CRLS1: variants seen among roughly 807,000 people sequenced by gnomAD.
CRLS1 encodes the protein cardiolipin synthase (CMP-forming).
CRLS1 carries 24 observed loss-of-function variants against 37.0 expected under a neutral mutation model. That is an observed-to-expected ratio of 0.65 (90% CI 0.47 to 0.91). The LOEUF is 0.91. Ranked by LOEUF, CRLS1 falls within the 40% of genes least tolerant of loss-of-function variation. The probability of loss-of-function intolerance (pLI) is 0.00; values close to 1 mark genes in which losing one functional copy is unlikely to be tolerated. For missense variants in CRLS1, 373 were observed against 395.8 expected (o/e 0.94, Z 0.49); for synonymous variants, 135 against 159.7 (o/e 0.85, Z 1.17).
intron 6 of CRLS1, among the ~76,000 whole-genome samples, chr20:6,035,835 C>T (rs143979821): frequency 0.031 from 4,674 of 151,420 alleles, 174 homozygotes; most frequent in African/African-American, 0.093. Context: ...GACAGAGTCT[C>T]GCTCTGTTGC....
intron 6 of CRLS1, among the ~76,000 whole-genome samples, chr20:6,035,596 T>C (rs971651918): frequency 1.1e-3 from 174 of 152,176 alleles, no homozygotes; most frequent in African/African-American, 4.1e-3. Context: ...TCCAATGTAG[T>C]TTTCAGAAAT....
intron 6 of CRLS1, among the ~76,000 whole-genome samples, 158 bp downstream of exon 6, chr20:6,034,713 CAAGTATGAGATGGAGAAGTTAGCT>C (rs1385446992): frequency 6.6e-6 from 1 of 152,116 alleles, no homozygotes; most frequent in East Asian, 1.9e-4. Context: ...CGCTTCCTGC[CAAGTATGAGATGGAGAAGTTAGCT>C]TTCATACAAA....
intron 1 of CRLS1, chr20:6,007,406 C>T (rs1243164943): frequency 6.2e-7 from 1 of 1,613,448 alleles, no homozygotes. Flanking sequence ...TCGAGTATGC[C>T]ACAGGTTATC....
intron 6 of CRLS1, among the ~76,000 whole-genome samples, chr20:6,035,408 T>C (rs1980468880): frequency 6.6e-6 from 1 of 152,210 alleles, no homozygotes. Context: ...TTTAAGGTGA[T>C]GCAAGAACTT....
intron 3 of CRLS1, among the ~76,000 whole-genome samples, chr20:6,022,956 T>C (rs1250170788): frequency 5.3e-5 from 8 of 152,210 alleles, no homozygotes; most frequent in African/African-American, 1.2e-4. Flanking sequence ...TTTTATCTTT[T>C]TGAGCTCCAT....
At chr20:6,017,409 C>G (rs1439838906) in intron 3 of CRLS1, among the ~76,000 whole-genome samples, 1 of 152,170 alleles carries the variant, frequency 6.6e-6, no homozygotes. Flanking sequence ...AAAGTTATCT[C>G]TCTTAATTCA....
intron 1 of CRLS1, among the ~76,000 whole-genome samples, chr20:6,009,106 C>T (rs150617173): frequency 0.045 from 6,858 of 152,196 alleles, 509 homozygotes; most frequent in African/African-American, 0.15. Context: ...AGGTGGATCA[C>T]GAGGTCAGGA....
intron 1 of CRLS1, chr20:6,007,278 C>G: frequency 6.4e-7 from 1 of 1,556,186 alleles, no homozygotes. Flanking sequence ...TTGAGGTGGC[C>G]AGATCCTGGC....
At chr20:6,021,065 CTTT>C (rs148717152) in intron 3 of CRLS1, among the ~76,000 whole-genome samples, 96 of 114,312 alleles carry the variant, frequency 8.4e-4, no homozygotes, top group Middle Eastern at 5.2e-3. Context: ...TGTTTTGTAT[CTTT>C]TTTTTTTTTT....
At chr20:6,006,589 G>T (rs2122891583) in intron 1 of CRLS1, 37 bp downstream of exon 1, 1 of 1,250,220 alleles carries the variant, frequency 8.0e-7, no homozygotes, top group African/African-American at 1.6e-5. Context: ...CCGGCCCTGG[G>T]CTGGGGTCGC....
chr20:6,021,210 G>T (rs1979260484), intron 3 of CRLS1, among the ~76,000 whole-genome samples: 1 of 151,946 alleles, frequency 6.6e-6, no homozygotes, highest in African/African-American at 2.4e-5. Context: ...GGAATTACAG[G>T]TGCGTGCCAC....
intron 5 of CRLS1, among the ~76,000 whole-genome samples, chr20:6,033,325 G>A (rs1428850586): frequency 7.9e-5 from 9 of 114,306 alleles, no homozygotes; most frequent in East Asian, 2.3e-4. Context: ...TAGTAGAGAC[G>A]GGGTTTCACC....
chr20:6,005,996 C>G (rs553199363), upstream of CRLS1: 73 of 328,800 alleles, frequency 2.2e-4, 1 homozygote, highest in African/African-American at 1.5e-3. Flanking sequence ...CTGATGCGCG[C>G]GCCTCCGCTG....
At chr20:6,023,084 T>C (rs1312416980) in intron 3 of CRLS1, among the ~76,000 whole-genome samples, 4 of 152,212 alleles carry the variant, frequency 2.6e-5, no homozygotes, top group African/African-American at 9.6e-5. Context: ...TATTTTATTC[T>C]TTTTTGGACT....
In CRLS1 at chr20:6,020,523, T is replaced by C. The variant is rs142393581; in HGVS notation, c.574+5033T>C. 4.6e-3 allele frequency among the ~76,000 whole-genome samples: 700 copies of C among 152,360 alleles called. 5 individuals carry two copies. The highest frequency in any genetic ancestry group is 4.9e-3 in the Non-Finnish European group (332 of 68,026). On this transcript the variant is annotated intron_variant, in intron 3 of 6. Coordinates refer to ENST00000378863, the MANE Select transcript of CRLS1 (RefSeq NM_019095.6). The stretch of plus-strand genomic sequence containing the variant: ...TTCAGCCCACTACTGTCAGATTTTA[T>C]AAATATTCCATGAATACTTGAAATG...
intron 2 of CRLS1, among the ~76,000 whole-genome samples, chr20:6,011,744 C>G (rs1600351610): frequency 6.6e-6 from 1 of 151,008 alleles, no homozygotes; most frequent in East Asian, 1.9e-4. Context: ...CACCACCATG[C>G]CTGGCTAATT....
chr20:6,031,477 A>C (rs1600388236), intron 4 of CRLS1, 107 bp downstream of exon 4: 4 of 750,668 alleles, frequency 5.3e-6, no homozygotes, highest in East Asian at 2.7e-5. Flanking sequence ...GGCACGTGAA[A>C]CCCAGACTAG....
At chr20:6,017,472 A>T (rs1978849741) in intron 3 of CRLS1, among the ~76,000 whole-genome samples, 1 of 152,146 alleles carries the variant, frequency 6.6e-6, no homozygotes, top group Non-Finnish European at 1.5e-5. Context: ...TTATAGAAAA[A>T]TTTGTATTTT....
intron 3 of CRLS1, among the ~76,000 whole-genome samples, chr20:6,025,535 T>A (rs1979606277): frequency 6.6e-6 from 1 of 152,220 alleles, no homozygotes; most frequent in Admixed American, 6.5e-5. Flanking sequence ...ACACATCCAT[T>A]CTTCAGTCCT....
Sources: gnomAD v4.1 joint callset for allele counts (sites outside exome capture counted in the v4.1 genomes callset) on GRCh38, gnomAD v4.1.1 for gene constraint, MANE v1.5 for transcripts, NCBI Gene and HGNC (gene_info 2026-07-23, HGNC 2026-07-21) for gene names.